PIK3C2G: variants seen among roughly 807,000 people sequenced by gnomAD.
PIK3C2G encodes the protein phosphatidylinositol-4-phosphate 3-kinase catalytic subunit type 2 gamma.
In PIK3C2G, 168 loss-of-function variants were observed where a neutral mutation model predicts 181.1. The observed-to-expected ratio is 0.93, with a 90% CI of 0.82 to 1.05. The LOEUF is 1.05. Ranked by LOEUF, PIK3C2G falls within the 50% of genes least tolerant of loss-of-function variation. PIK3C2G has a pLI of 0.00. For synonymous variants in PIK3C2G, 573 were observed against 592.2 expected, an observed-to-expected ratio of 0.97 and a Z score of 0.47; for missense variants, 1,869 against 1,732.8, an observed-to-expected ratio of 1.08 and a Z score of -1.40.
chr12:18,710,322 G>A, the PIK3C2G span, among the ~76,000 whole-genome samples: 1 of 151,080 alleles, frequency 6.6e-6, no homozygotes, highest in South Asian at 2.1e-4. Flanking sequence ...GCAAATATTT[G>A]GGAAGAGTAT....
intron 5 of PIK3C2G, among the ~76,000 whole-genome samples, chr12:18,299,990 T>C (rs1950108445): frequency 6.6e-6 from 1 of 152,000 alleles, no homozygotes; most frequent in African/African-American, 2.4e-5. Context: ...ATCTGTAGTG[T>C]TATTTTTTGT....
intron 32 of PIK3C2G, among the ~76,000 whole-genome samples, chr12:18,646,645 A>G: frequency 6.6e-6 from 1 of 152,152 alleles, no homozygotes; most frequent in East Asian, 1.9e-4. Flanking sequence ...TTTTTGGCAT[A>G]TATTGAGAAA....
At chr12:18,534,791 A>T (rs1345588241) in intron 24 of PIK3C2G, among the ~76,000 whole-genome samples, 1 of 151,346 alleles carries the variant, frequency 6.6e-6, no homozygotes, top group Non-Finnish European at 1.5e-5. Context: ...CAGTTTTAGA[A>T]CATCAGGTGA....
intron 24 of PIK3C2G, among the ~76,000 whole-genome samples, chr12:18,530,100 A>G (rs1400213662): frequency 2.0e-5 from 3 of 152,016 alleles, no homozygotes; most frequent in African/African-American, 4.8e-5. Flanking sequence ...TGGCACCCTA[A>G]CCTCTCAAGC....
intron 18 of PIK3C2G, among the ~76,000 whole-genome samples, chr12:18,480,673 C>A (rs1377418519): frequency 6.6e-6 from 1 of 152,156 alleles, no homozygotes; most frequent in Non-Finnish European, 1.5e-5. Flanking sequence ...CTGCTCCTTT[C>A]CATGGCAGCA....
chr12:18,701,122 C>T, the PIK3C2G span, among the ~76,000 whole-genome samples: 1 of 151,862 alleles, frequency 6.6e-6, no homozygotes. Flanking sequence ...GTAGTTGGAA[C>T]TACAGGCATG....
At chr12:18,299,680 G>A (rs561081753) in intron 5 of PIK3C2G, among the ~76,000 whole-genome samples, 1 of 151,876 alleles carries the variant, frequency 6.6e-6, no homozygotes, top group Non-Finnish European at 1.5e-5. Context: ...TGGTGGGTTT[G>A]TCATATTATT....
At chr12:18,492,881 G>T (rs1940699721) in intron 20 of PIK3C2G, among the ~76,000 whole-genome samples, 1 of 152,108 alleles carries the variant, frequency 6.6e-6, no homozygotes, top group African/African-American at 2.4e-5. Flanking sequence ...TCCCTATATA[G>T]CACCCTACGG....
the PIK3C2G span, among the ~76,000 whole-genome samples, chr12:18,676,315 C>G: frequency 6.6e-6 from 1 of 152,038 alleles, no homozygotes; most frequent in African/African-American, 2.4e-5. Flanking sequence ...CTTAAACCAC[C>G]AAGCCAGGTT....
At chr12:18,654,494 G>T in the PIK3C2G span, among the ~76,000 whole-genome samples, 1 of 152,086 alleles carries the variant, frequency 6.6e-6, no homozygotes, top group African/African-American at 2.4e-5. Context: ...AATGTGGTCC[G>T]ATTTCAGACC....
At chr12:18,322,892 C>T (rs1182594912) in intron 7 of PIK3C2G, among the ~76,000 whole-genome samples, 2 of 152,094 alleles carry the variant, frequency 1.3e-5, no homozygotes, top group Non-Finnish European at 2.9e-5. Flanking sequence ...CTGTAGTTTC[C>T]TTTCTCCAAA....
chr12:18,675,236 G>C, the PIK3C2G span, among the ~76,000 whole-genome samples: 1 of 152,080 alleles, frequency 6.6e-6, no homozygotes, highest in South Asian at 2.1e-4. Flanking sequence ...CTCCCACCTG[G>C]TAAAACCAGC....
intron 1 of PIK3C2G, among the ~76,000 whole-genome samples, chr12:18,251,493 C>G (rs1273117705): frequency 6.6e-6 from 1 of 151,950 alleles, no homozygotes; most frequent in Non-Finnish European, 1.5e-5. Flanking sequence ...TGAAATTCAT[C>G]ATGTGCAATG....
At chr12:18,513,027 A>G (rs1190514551) in intron 24 of PIK3C2G, among the ~76,000 whole-genome samples, 1 of 151,416 alleles carries the variant, frequency 6.6e-6, no homozygotes, top group African/African-American at 2.4e-5. Flanking sequence ...TTGTCACGTG[A>G]TTTTTCTGCA....
chr12:18,692,410 A>G, the PIK3C2G span, among the ~76,000 whole-genome samples: 48 of 152,338 alleles, frequency 3.2e-4, no homozygotes, highest in East Asian at 5.8e-3. Flanking sequence ...TTTTAAAAAG[A>G]AAATAAGCAT....
At chr12:18,340,284 CT>C (rs1939006949) in intron 9 of PIK3C2G, among the ~76,000 whole-genome samples, 1 of 149,094 alleles carries the variant, frequency 6.7e-6, no homozygotes, top group African/African-American at 2.5e-5. Context: ...AGCTGATAGG[CT>C]AAAAAAAAAA....
rs1382770224 is a variant in PIK3C2G at position 18,609,531 on chromosome 12, T to A, written c.4088-4T>A. On this transcript the variant is annotated splice_polypyrimidine_tract_variant and splice_region_variant and intron_variant, in intron 30 of 32. Transcript: ENST00000538779. ...AACTCACTGAAATTCTATTCTTTTA[T>A]CAGGTGAGAAGTTTCCAGACAAGAA... The A allele has an allele frequency of 6.4e-7, 1 of 1,550,868 alleles. No homozygotes were observed. Among genetic ancestry groups the A allele is most frequent in the Non-Finnish European group, 8.8e-7 (1 of 1,137,378 alleles).
intron 8 of PIK3C2G, among the ~76,000 whole-genome samples, chr12:18,334,883 A>T (rs1288518640): frequency 6.6e-6 from 1 of 151,960 alleles, no homozygotes; most frequent in Non-Finnish European, 1.5e-5. Flanking sequence ...ATGTATGTGT[A>T]TTTGGGGAGA....
intron 9 of PIK3C2G, among the ~76,000 whole-genome samples, chr12:18,340,483 A>G (rs1405274786): frequency 6.6e-6 from 1 of 152,174 alleles, no homozygotes; most frequent in African/African-American, 2.4e-5. Context: ...CTTGGCAATT[A>G]TATGATGCTG....
Sources: allele counts gnomAD v4.1 joint callset (sites outside exome capture counted in the v4.1 genomes callset), GRCh38; gene constraint gnomAD v4.1.1; transcripts MANE v1.5; gene names NCBI Gene and HGNC (gene_info 2026-07-23, HGNC 2026-07-21).